The following TRPC5 variants were observed in gnomAD, a reference collection of about 807,000 sequenced individuals.
TRPC5 encodes the protein short transient receptor potential channel 5.
In TRPC5, 9 loss-of-function variants were observed where a neutral mutation model predicts 56.5. The observed-to-expected ratio is 0.16, with a 90% CI of 0.10 to 0.28. TRPC5 has a LOEUF of 0.28. Ranked by LOEUF, TRPC5 falls within the 10% of genes least tolerant of loss-of-function variation. TRPC5 has a pLI of 1.00. For missense variants in TRPC5, 469 were observed against 748.9 expected, an observed-to-expected ratio of 0.63 and a Z score of 4.36; for synonymous variants, 282 against 278.5, an observed-to-expected ratio of 1.01 and a Z score of -0.13.
At chrX:111,907,643 AAAT>A (rs375222117) in intron 3 of TRPC5, among the ~76,000 whole-genome samples, 18 of 109,301 alleles carry the variant, frequency 1.6e-4, no homozygotes, top group African/African-American at 5.0e-4. Flanking sequence ...AAATAAAAAT[AAAT>A]AATAATAATA....
chrX:111,826,129 CA>C (rs1922228907), intron 7 of TRPC5, among the ~76,000 whole-genome samples: 1 of 112,114 alleles, frequency 8.9e-6, no homozygotes, highest in Non-Finnish European at 1.9e-5. Context: ...ATCCAGGTTT[CA>C]AATCCAGGTA....
At position 111,971,724 on chromosome X, in the gene TRPC5, T is replaced by C. The variant is rs150623310; in HGVS notation, c.-21-19283A>G. Among the ~76,000 whole-genome samples, 49 of 111,934 alleles carry C rather than the reference T, an allele frequency of 4.4e-4. 1 individual carries two copies. Among genetic ancestry groups the C allele is most frequent in the African/African-American group, 1.5e-3 (47 of 30,820 alleles). On this transcript the variant is annotated intron_variant, in intron 1 of 10. Transcript: ENST00000262839. ...ATTAAGACTATTCCCAGGGTCTCTC[T>C]ATTGCCTGTTAATGATTGCTTATGA...
Position 111,783,292 on chromosome X carries a change from C to T in TRPC5, c.1897-1154G>A, listed in dbSNP as rs369078298. On this transcript the variant is annotated intron_variant, in intron 7 of 10. Coordinates refer to ENST00000262839, the MANE Select transcript of TRPC5 (RefSeq NM_012471.3). ...ATGTACAGGTTTTTGTCTAAATATA[C>T]GTTTAATTTTTCTAACTTACATATC... Among the ~76,000 whole-genome samples, 29 of 111,656 alleles carry T rather than the reference C, an allele frequency of 2.6e-4. 2 individuals are homozygous for T. Among genetic ancestry groups the T allele is most frequent in the Admixed American group, 1.3e-3 (14 of 10,506 alleles).
intron 1 of TRPC5, among the ~76,000 whole-genome samples, chrX:111,982,657 T>C (rs1295761298): frequency 1.8e-5 from 2 of 111,620 alleles, no homozygotes; most frequent in East Asian, 5.6e-4. Context: ...ATTAAGATGC[T>C]TGAGGGGACC....
At chrX:111,787,703 C>A (rs753259665) in intron 7 of TRPC5, among the ~76,000 whole-genome samples, 2 of 110,595 alleles carry the variant, frequency 1.8e-5, no homozygotes, top group South Asian at 7.6e-4. Flanking sequence ...AGAATCAAAT[C>A]GATGCAATAA....
chrX:111,916,946 G>C (rs1477133675), intron 2 of TRPC5, among the ~76,000 whole-genome samples: 1 of 112,748 alleles, frequency 8.9e-6, no homozygotes, highest in Non-Finnish European at 1.9e-5. Flanking sequence ...TTTAGGCAAG[G>C]GCCAAATGAT....
At chrX:111,982,755 G>T (rs187087296) in intron 1 of TRPC5, among the ~76,000 whole-genome samples, 1 of 111,046 alleles carries the variant, frequency 9.0e-6, no homozygotes, top group Admixed American at 9.6e-5. Flanking sequence ...TTGGAACTAA[G>T]GCCTCTAGGT....
At chrX:111,905,008 C>G (rs1925538107) in intron 3 of TRPC5, among the ~76,000 whole-genome samples, 1 of 106,874 alleles carries the variant, frequency 9.4e-6, no homozygotes, top group African/African-American at 3.4e-5. Context: ...TTTGGGGAGT[C>G]TACTTGAGTT....
intron 3 of TRPC5, among the ~76,000 whole-genome samples, chrX:111,899,533 A>G (rs990625455): frequency 9.0e-6 from 1 of 111,440 alleles, no homozygotes; most frequent in Non-Finnish European, 1.9e-5. Context: ...AAGAGGAGGA[A>G]TAAAAGAGTC....
chrX:111,817,769 A>T (rs774087165), intron 7 of TRPC5, among the ~76,000 whole-genome samples: 5 of 111,678 alleles, frequency 4.5e-5, no homozygotes, highest in African/African-American at 1.6e-4. Context: ...ATGATAAAGC[A>T]GATCCAGAAT....
At chrX:112,005,776 C>T (rs1233339711) in intron 1 of TRPC5, among the ~76,000 whole-genome samples, 1 of 111,764 alleles carries the variant, frequency 8.9e-6, no homozygotes, top group Non-Finnish European at 1.9e-5. Flanking sequence ...ACTTCTGTGA[C>T]TACTTTGTGA....
intron 1 of TRPC5, among the ~76,000 whole-genome samples, chrX:112,068,997 A>C (rs1344117300): frequency 1.8e-5 from 2 of 112,035 alleles, no homozygotes; most frequent in Non-Finnish European, 3.8e-5. Flanking sequence ...CTTATGACTC[A>C]TAAGTGTCAG....
At chrX:111,942,510 G>C (rs1926808792) in intron 2 of TRPC5, among the ~76,000 whole-genome samples, 1 of 111,493 alleles carries the variant, frequency 9.0e-6, no homozygotes, top group African/African-American at 3.3e-5. Flanking sequence ...GGAGGTATTT[G>C]TGTCAGTTCA....
At position 111,858,853 on chromosome X, in the gene TRPC5, A is replaced by G. The variant is rs961026174; in HGVS notation, c.901-4747T>C. Among the ~76,000 whole-genome samples the G allele has an allele frequency of 3.6e-5, 4 of 111,361 alleles. No individual in the cohort carries two copies. The Admixed American group carries it at 3.8e-4, about 11-fold the overall frequency. On this transcript the variant is annotated intron_variant, in intron 3 of 10. Coordinates refer to ENST00000262839, the MANE Select transcript of TRPC5 (RefSeq NM_012471.3). ...CTTTTTTGGCTGCTTGTAGTTAGAA[A>G]AGAAGTGATTTCCTTGAAATGCATG...
intron 2 of TRPC5, among the ~76,000 whole-genome samples, chrX:111,945,321 G>A (rs1926904864): frequency 9.2e-6 from 1 of 108,216 alleles, no homozygotes; most frequent in Admixed American, 1.0e-4. Flanking sequence ...TTTGACTTCT[G>A]AGACCAATTT....
chrX:112,031,005 A>G (rs904593143), intron 1 of TRPC5, among the ~76,000 whole-genome samples: 4 of 111,883 alleles, frequency 3.6e-5, no homozygotes. Context: ...GCTTGACATC[A>G]CATGGCTATT....
At chrX:111,818,744 C>T (rs1921940001) in intron 7 of TRPC5, among the ~76,000 whole-genome samples, 1 of 108,791 alleles carries the variant, frequency 9.2e-6, no homozygotes, top group Non-Finnish European at 1.9e-5. Context: ...GCTGGGATTA[C>T]AGGTGCACAC....
chrX:111,959,127 T>G (rs745707369), intron 1 of TRPC5, among the ~76,000 whole-genome samples: 56 of 112,376 alleles, frequency 5.0e-4, no homozygotes, highest in African/African-American at 1.8e-3. Context: ...TGTAACTGCA[T>G]AGCTAAATTT....
rs1472246134 is a variant in TRPC5 at position 111,770,889 on chromosome X, C to T, written c.*5424G>A. On this transcript the variant is annotated 3_prime_UTR_variant, in exon 11 of 11. Transcript: ENST00000262839. ...GGCTACCTTAGGCTTAAATAAAAGG[C>T]ACACTGCCACATATTCATTCAAGTG... Among the ~76,000 whole-genome samples, 1 of 112,140 alleles carries T rather than the reference C, an allele frequency of 8.9e-6. No individual in the cohort carries two copies. The highest frequency in any genetic ancestry group is 1.9e-5 in the Non-Finnish European group (1 of 53,257).
Sources: gnomAD v4.1 joint callset for allele counts (sites outside exome capture counted in the v4.1 genomes callset) on GRCh38, gnomAD v4.1.1 for gene constraint, MANE v1.5 for transcripts, NCBI Gene and HGNC (gene_info 2026-07-23, HGNC 2026-07-21) for gene names.